The following LMNTD1 variants were observed in gnomAD, a reference collection of about 807,000 sequenced individuals.
LMNTD1 encodes the protein lamin tail domain containing 1, also known as lamin tail domain-containing protein 1.
In LMNTD1, 35 loss-of-function variants were observed where a neutral mutation model predicts 50.9. That is an observed-to-expected ratio of 0.69 (90% CI 0.53 to 0.91). The LOEUF (loss-of-function observed/expected upper bound fraction) is 0.91, where lower values mean the gene tolerates loss of function less well. Among genes scored for constraint, LMNTD1 ranks in the 40% least tolerant of loss-of-function variants. The pLI is 0.00. For missense variants in LMNTD1, 470 were observed against 475.5 expected, an observed-to-expected ratio of 0.99 and a Z score of 0.11; for synonymous variants, 153 against 161.9, an observed-to-expected ratio of 0.94 and a Z score of 0.42.
chr12:25,627,387 C>CT (rs942570040), intron 1 of LMNTD1, among the ~76,000 whole-genome samples: 2 of 152,102 alleles, frequency 1.3e-5, no homozygotes. Flanking sequence ...TTCATGATGA[C>CT]TTTTTTCCCC....
chr12:25,588,995 T>C (rs918445852), intron 1 of LMNTD1, among the ~76,000 whole-genome samples: 7 of 152,164 alleles, frequency 4.6e-5, no homozygotes, highest in Non-Finnish European at 7.3e-5. Context: ...TAAGTCTTAG[T>C]AAGGGTATAG....
intron 1 of LMNTD1, among the ~76,000 whole-genome samples, chr12:25,594,463 A>G (rs1340612206): frequency 6.6e-6 from 1 of 152,082 alleles, no homozygotes; most frequent in Non-Finnish European, 1.5e-5. Flanking sequence ...CAGTGTAAGT[A>G]AGGATCTTAT....
intron 1 of LMNTD1, among the ~76,000 whole-genome samples, chr12:25,619,821 G>A (rs1362286392): frequency 6.6e-6 from 1 of 152,192 alleles, no homozygotes; most frequent in Non-Finnish European, 1.5e-5. Context: ...CATAACTAAT[G>A]CGAAATAATT....
intron 4 of LMNTD1, among the ~76,000 whole-genome samples, chr12:25,533,421 T>C (rs566545969): frequency 6.6e-6 from 1 of 152,300 alleles, no homozygotes; most frequent in South Asian, 2.1e-4. Context: ...TTAAACAAAA[T>C]TACTTTCCAT....
rs553900389 is a variant in LMNTD1 at position 25,608,466 on chromosome 12, G to A, written c.58+40028C>T. On this transcript the variant is annotated intron_variant, in intron 1 of 7. Transcript: ENST00000445693. Reference sequence around the variant, plus strand: ...AATTTGGCATGTTTTTGCAGTGACTGGTACTGGTTGTTCTTTTCCATGTTT... The same window carrying A: ...AATTTGGCATGTTTTTGCAGTGACTAGTACTGGTTGTTCTTTTCCATGTTT... 1.0e-3 allele frequency among the ~76,000 whole-genome samples: 159 copies of A among 152,286 alleles called. 2 individuals carry two copies. The highest frequency in any genetic ancestry group is 3.6e-3 in the African/African-American group (149 of 41,552).
At chr12:25,538,501 T>C (rs1942788911) in intron 4 of LMNTD1, among the ~76,000 whole-genome samples, 1 of 141,616 alleles carries the variant, frequency 7.1e-6, no homozygotes, top group Non-Finnish European at 1.5e-5. Context: ...AGAAATAAAA[T>C]ACTTTATAGA....
intron 1 of LMNTD1, among the ~76,000 whole-genome samples, chr12:25,626,068 G>T (rs1259596865): frequency 6.6e-6 from 1 of 152,198 alleles, no homozygotes; most frequent in African/African-American, 2.4e-5. Context: ...GCATGGGGCT[G>T]TACTTTTTCA....
Position 25,533,193 on chromosome 12 carries a change from G to A in LMNTD1, c.492-6238C>T, listed in dbSNP as rs376078276. 3.8e-4 allele frequency among the ~76,000 whole-genome samples: 58 copies of A among 152,252 alleles called. 1 individual carries two copies. In the South Asian group the frequency reaches 0.012, roughly 30 times the overall value. On this transcript the variant is annotated intron_variant, in intron 4 of 9. Coordinates refer to ENST00000458174, the MANE Select transcript of LMNTD1 (RefSeq NM_001145728.2). ...AGATCAATGCATGGAAATTCACAGA[G>A]GCAGGCTGTTAATCTGCTGTCACAC...
chr12:25,573,856 C>T (rs1944894567), intron 1 of LMNTD1, among the ~76,000 whole-genome samples: 1 of 152,102 alleles, frequency 6.6e-6, no homozygotes, highest in East Asian at 1.9e-4. Context: ...GGATCACTTT[C>T]GGAGCATCGT....
upstream of LMNTD1, among the ~76,000 whole-genome samples, chr12:25,556,819 A>C (rs1944063312): frequency 6.6e-6 from 1 of 152,244 alleles, no homozygotes; most frequent in African/African-American, 2.4e-5. Context: ...ATTTTTAAAG[A>C]TTTGAAGAAC....
chr12:25,630,799 T>C (rs1299590706), intron 1 of LMNTD1: 1 of 152,238 alleles, frequency 6.6e-6, no homozygotes, highest in African/African-American at 2.4e-5. Flanking sequence ...TTTGTAACAA[T>C]TTGAATGGGG....
At chr12:25,539,404 C>A (rs1942878644) in intron 4 of LMNTD1, among the ~76,000 whole-genome samples, 1 of 151,838 alleles carries the variant, frequency 6.6e-6, no homozygotes, top group East Asian at 1.9e-4. Flanking sequence ...CAAACTAGAA[C>A]TCAGGATTAA....
chr12:25,605,063 C>A (rs1282521265), intron 1 of LMNTD1, among the ~76,000 whole-genome samples: 2 of 152,132 alleles, frequency 1.3e-5, no homozygotes, highest in Non-Finnish European at 2.9e-5. Flanking sequence ...GATGGTATCT[C>A]ATTGTGGTTT....
intron 1 of LMNTD1, among the ~76,000 whole-genome samples, chr12:25,613,649 C>A (rs560301182): frequency 1.3e-5 from 2 of 152,170 alleles, no homozygotes; most frequent in African/African-American, 4.8e-5. Flanking sequence ...AAACCTTATG[C>A]ATATTTGTTA....
chr12:25,551,991 T>C lies in LMNTD1; in HGVS notation c.89+880A>G, dbSNP rs532346710. 2.5e-4 allele frequency among the ~76,000 whole-genome samples: 38 copies of C among 152,340 alleles called. No individual in the cohort carries two copies. The East Asian group carries it at 6.0e-3, about 24-fold the overall frequency. On this transcript the variant is annotated intron_variant, in intron 2 of 9. Coordinates refer to ENST00000458174, the MANE Select transcript of LMNTD1 (RefSeq NM_001145728.2). ...TTTGGGAGACGCTGCATTGATAATA[T>C]TGACGACAATCATTTCTCAGAGGAC...
intron 9 of LMNTD1, among the ~76,000 whole-genome samples, chr12:25,484,075 T>C (rs1326721483): frequency 1.3e-5 from 2 of 152,136 alleles, no homozygotes; most frequent in Middle Eastern, 3.4e-3. Context: ...TTTGTGTTTT[T>C]CTTTTGTAAA....
Position 25,552,888 on chromosome 12 carries a change from C to CT in LMNTD1, c.71dup (p.Asn25GlufsTer2), listed in dbSNP as rs1943852363. 6.5e-6 allele frequency: 10 copies of CT among 1,549,010 alleles called. No individual in the cohort carries two copies. The highest frequency in any genetic ancestry group is 1.4e-5 in the African/African-American group (1 of 73,108). On this transcript the variant is annotated frameshift_variant, in exon 2 of 10. Transcript: ENST00000458174. LOFTEE classifies it high-confidence loss of function. ...ATGCTCACTGTTTTTGTTTCTCATT[C>CT]TTATCTTCCTGCTCATGGACTTTAT... is the stretch of plus-strand genomic sequence containing the variant.
intron 1 of LMNTD1, among the ~76,000 whole-genome samples, chr12:25,629,862 A>G (rs279001): frequency 0.2 from 30,046 of 152,054 alleles, 3,595 homozygotes; most frequent in East Asian, 0.5. Context: ...ATGGAGTTGG[A>G]GTAAGCCACA....
At chr12:25,507,708 A>C (rs1298363470) in intron 8 of LMNTD1, among the ~76,000 whole-genome samples, 1 of 152,202 alleles carries the variant, frequency 6.6e-6, no homozygotes, top group Non-Finnish European at 1.5e-5. Context: ...GGATGTTGAC[A>C]CATAATCCTA....
Sources: gnomAD v4.1 joint callset for allele counts (sites outside exome capture counted in the v4.1 genomes callset) on GRCh38, gnomAD v4.1.1 for gene constraint, MANE v1.5 for transcripts, NCBI Gene and HGNC (gene_info 2026-07-23, HGNC 2026-07-21) for gene names.